BCL2: variants seen among roughly 807,000 people sequenced by gnomAD.
The protein encoded by BCL2 is apoptosis regulator Bcl-2.
Under a neutral mutation model 14.2 loss-of-function variants are expected in BCL2, and 1 was observed. That is an observed-to-expected ratio of 0.07 (90% CI 0.02 to 0.33). BCL2 has a LOEUF of 0.33. Among genes scored for constraint, BCL2 ranks in the 10% least tolerant of loss-of-function variants. BCL2 has a pLI of 0.99. For missense variants in BCL2, 247 were observed against 305.9 expected, an observed-to-expected ratio of 0.81 and a Z score of 1.44; for synonymous variants, 151 against 137.2, an observed-to-expected ratio of 1.10 and a Z score of -0.70.
At chr18:63,135,157 G>A (rs566791703) in intron 2 of BCL2, among the ~76,000 whole-genome samples, 3 of 152,322 alleles carry the variant, frequency 2.0e-5, no homozygotes, top group South Asian at 2.1e-4. Context: ...GGACAGGAGC[G>A]TGAAGGCTGG....
intron 2 of BCL2, among the ~76,000 whole-genome samples, chr18:63,155,073 C>G (rs1914739859): frequency 6.6e-6 from 1 of 152,174 alleles, no homozygotes; most frequent in South Asian, 2.1e-4. Flanking sequence ...ATCTCTGAGC[C>G]TCAACTTATT....
At chr18:63,134,013 G>A (rs1470554877) in intron 2 of BCL2, among the ~76,000 whole-genome samples, 1 of 152,036 alleles carries the variant, frequency 6.6e-6, no homozygotes. Flanking sequence ...GAGTAAAGCA[G>A]GACAAAACGG....
chr18:63,214,264 G>C (rs112481303), intron 2 of BCL2, among the ~76,000 whole-genome samples: 3,386 of 152,300 alleles, frequency 0.022, 119 homozygotes, highest in African/African-American at 0.078. Context: ...ATTGGAGGAG[G>C]ACACCCAGTG....
Position 63,190,847 on chromosome 18 carries a change from C to T in BCL2, c.586-62088G>A, listed in dbSNP as rs1221415315. Among the ~76,000 whole-genome samples the T allele has an allele frequency of 3.9e-5, 6 of 152,196 alleles. No individual in the cohort carries two copies. The East Asian group carries it at 1.2e-3, about 29-fold the overall frequency. ...TGCATTAGCTATTTGTCCTGATGCTCTCCCTCTCCTCGCCCACCCTCAACA... is the reference window on the plus strand; with the variant it reads ...TGCATTAGCTATTTGTCCTGATGCTTTCCCTCTCCTCGCCCACCCTCAACA... On this transcript the variant is annotated intron_variant, in intron 2 of 2. Coordinates refer to ENST00000333681, the MANE Select transcript of BCL2 (RefSeq NM_000633.3).
chr18:63,159,562 T>A (rs1914865728), intron 2 of BCL2, among the ~76,000 whole-genome samples: 1 of 152,222 alleles, frequency 6.6e-6, no homozygotes, highest in South Asian at 2.1e-4. Context: ...ATGCACTGGC[T>A]AATTTTGATA....
At chr18:63,316,134 A>G (rs2144316808) in intron 2 of BCL2, 1 of 152,692 alleles carries the variant, frequency 6.5e-6, no homozygotes, top group Non-Finnish European at 1.5e-5. Context: ...CACAAAAAGA[A>G]AAAAGTGAGC....
At chr18:63,296,270 T>C (rs1912792474) in intron 2 of BCL2, among the ~76,000 whole-genome samples, 1 of 152,114 alleles carries the variant, frequency 6.6e-6, no homozygotes, top group South Asian at 2.1e-4. Context: ...CCAGCTGTAA[T>C]GGTCCAGCCT....
intron 2 of BCL2, among the ~76,000 whole-genome samples, chr18:63,205,725 T>C (rs1296240935): frequency 6.6e-6 from 1 of 152,186 alleles, no homozygotes; most frequent in East Asian, 1.9e-4. Flanking sequence ...TTTTATTATT[T>C]CTCATAAGTA....
At chr18:63,313,543 G>C (rs1428239986) in intron 2 of BCL2, among the ~76,000 whole-genome samples, 2 of 152,122 alleles carry the variant, frequency 1.3e-5, no homozygotes, top group Non-Finnish European at 2.9e-5. Context: ...TATATCTCTG[G>C]GGGAAAAAGA....
chr18:63,129,133 G>C (rs545447992), intron 2 of BCL2, among the ~76,000 whole-genome samples: 11 of 152,144 alleles, frequency 7.2e-5, no homozygotes, highest in Non-Finnish European at 1.0e-4. Flanking sequence ...GAGGCAGTTA[G>C]AAAATATTAG....
chr18:63,253,173 C>G (rs1911364992), intron 2 of BCL2, among the ~76,000 whole-genome samples: 2 of 152,200 alleles, frequency 1.3e-5, no homozygotes, highest in African/African-American at 4.8e-5. Context: ...AAGCTCACAG[C>G]AGCCCTATGA....
At chr18:63,305,227 T>C (rs1291518459) in intron 2 of BCL2, among the ~76,000 whole-genome samples, 1 of 152,224 alleles carries the variant, frequency 6.6e-6, no homozygotes, top group Non-Finnish European at 1.5e-5. Context: ...CCTGAACATT[T>C]TTGACACAGA....
At chr18:63,253,555 C>A (rs527450576) in intron 2 of BCL2, among the ~76,000 whole-genome samples, 10 of 152,292 alleles carry the variant, frequency 6.6e-5, no homozygotes, top group African/African-American at 2.2e-4. Flanking sequence ...GTGACTAGGG[C>A]AAAACCCCTC....
At chr18:63,260,048 A>G (rs1911609233) in intron 2 of BCL2, among the ~76,000 whole-genome samples, 1 of 152,222 alleles carries the variant, frequency 6.6e-6, no homozygotes, top group African/African-American at 2.4e-5. Flanking sequence ...CAGATGTTCC[A>G]GAAACCTGAT....
rs964741508 is a variant in BCL2 at position 63,191,863 on chromosome 18, T to C, written c.586-63104A>G. On this transcript the variant is annotated intron_variant, in intron 2 of 2. Transcript: ENST00000333681. ...ATCAGAAATAACTAAGCGTTGAGGC[T>C]GAAATATGAAATTAAAAAAGAAAAT... is the stretch of plus-strand genomic sequence containing the variant. Among the ~76,000 whole-genome samples the C allele has an allele frequency of 2.6e-5, 4 of 152,230 alleles. No homozygotes were observed. In the East Asian group the frequency reaches 5.8e-4, roughly 22 times the overall value.
chr18:63,168,984 T>C (rs752418989), intron 2 of BCL2, among the ~76,000 whole-genome samples: 2 of 152,236 alleles, frequency 1.3e-5, no homozygotes, highest in Non-Finnish European at 2.9e-5. Context: ...CTGTATTTGA[T>C]GAAAGCTGCT....
chr18:63,131,995 T>C (rs1477003046), intron 2 of BCL2, among the ~76,000 whole-genome samples: 2 of 152,236 alleles, frequency 1.3e-5, no homozygotes, highest in Non-Finnish European at 2.9e-5. Flanking sequence ...GTGCTTCTCA[T>C]GAACCTAACA....
chr18:63,243,494 C>T (rs1009678833), intron 2 of BCL2, among the ~76,000 whole-genome samples: 3 of 152,156 alleles, frequency 2.0e-5, no homozygotes, highest in African/African-American at 7.2e-5. Context: ...CAAACCTGCA[C>T]ATGTACCGCT....
At chr18:63,271,020 C>T (rs927920051) in intron 2 of BCL2, among the ~76,000 whole-genome samples, 4 of 152,116 alleles carry the variant, frequency 2.6e-5, no homozygotes, top group African/African-American at 7.2e-5. Context: ...TGGGGTTTCA[C>T]CATGTTGGCC....
Sources: allele counts gnomAD v4.1 joint callset (sites outside exome capture counted in the v4.1 genomes callset), GRCh38; gene constraint gnomAD v4.1.1; transcripts MANE v1.5; gene names NCBI Gene and HGNC (gene_info 2026-07-23, HGNC 2026-07-21).